BABAM2: variants seen among roughly 807,000 people sequenced by gnomAD.
BABAM2 encodes the protein BRISC and BRCA1 A complex member 2.
A neutral mutation model predicts 54.7 loss-of-function variants in BABAM2; 31 were observed. The observed-to-expected ratio is 0.57, with a 90% CI of 0.43 to 0.77. The LOEUF is 0.77. Ranked by LOEUF, BABAM2 falls within the 30% of genes least tolerant of loss-of-function variation. BABAM2 has a pLI of 0.00. For missense variants in BABAM2, 364 were observed against 455.8 expected, an observed-to-expected ratio of 0.80 and a Z score of 1.83; for synonymous variants, 167 against 162.9, an observed-to-expected ratio of 1.03 and a Z score of -0.19.
intron 2 of BABAM2, chr2:27,896,225 C>G (rs1215885645): frequency 3.3e-5 from 5 of 153,088 alleles, no homozygotes; most frequent in Non-Finnish European, 5.8e-5. Flanking sequence ...TCTCACTGAC[C>G]TGGTACAGGG....
chr2:28,132,194 A>G (rs1670142390), intron 7 of BABAM2, among the ~76,000 whole-genome samples: 1 of 144,810 alleles, frequency 6.9e-6, no homozygotes, highest in Admixed American at 7.1e-5. Flanking sequence ...GCTGGAGTGC[A>G]GTGGCACCAT....
At chr2:28,229,749 G>T (rs545466394) in intron 7 of BABAM2, among the ~76,000 whole-genome samples, 2 of 151,948 alleles carry the variant, frequency 1.3e-5, no homozygotes, top group East Asian at 3.9e-4. Context: ...CACACACCTG[G>T]CTAGTTTTTG....
chr2:28,157,096 T>C (rs901252694), intron 7 of BABAM2, among the ~76,000 whole-genome samples: 1 of 152,254 alleles, frequency 6.6e-6, no homozygotes, highest in Non-Finnish European at 1.5e-5. Context: ...TGAAAATAAT[T>C]TCCCAGTTAT....
chr2:28,118,473 A>G (rs1190848234), intron 6 of BABAM2, among the ~76,000 whole-genome samples: 1 of 152,176 alleles, frequency 6.6e-6, no homozygotes, highest in Non-Finnish European at 1.5e-5. Context: ...ATGACCAGTG[A>G]TGTTGAGCTC....
chr2:28,200,161 A>G (rs1166038852), intron 7 of BABAM2, among the ~76,000 whole-genome samples: 1 of 152,184 alleles, frequency 6.6e-6, no homozygotes, highest in Admixed American at 6.5e-5. Context: ...TTGACAGTGA[A>G]CAACACTAAA....
chr2:27,915,576 G>A (rs974708844), intron 2 of BABAM2, among the ~76,000 whole-genome samples: 3 of 152,184 alleles, frequency 2.0e-5, no homozygotes, highest in African/African-American at 7.2e-5. Context: ...TACGTGGATG[G>A]CACACTTATC....
At chr2:27,980,502 A>T (rs1487175191) in intron 3 of BABAM2, among the ~76,000 whole-genome samples, 1 of 152,204 alleles carries the variant, frequency 6.6e-6, no homozygotes, top group Admixed American at 6.5e-5. Context: ...ACTGTTCTGC[A>T]TAGCAAGAGA....
At chr2:28,248,959 G>C (rs1683166216) in intron 10 of BABAM2, among the ~76,000 whole-genome samples, 1 of 152,022 alleles carries the variant, frequency 6.6e-6, no homozygotes, top group Non-Finnish European at 1.5e-5. Context: ...ACTCAGAGTT[G>C]ACCTTAAGAT....
chr2:28,159,573 G>A (rs1011304686), intron 7 of BABAM2, among the ~76,000 whole-genome samples: 4 of 152,148 alleles, frequency 2.6e-5, no homozygotes, highest in African/African-American at 9.7e-5. Flanking sequence ...AGACCAATAT[G>A]GATGTTTCTA....
chr2:27,902,648 T>C (rs1394282283), intron 2 of BABAM2, among the ~76,000 whole-genome samples: 1 of 152,212 alleles, frequency 6.6e-6, no homozygotes, highest in African/African-American at 2.4e-5. Context: ...TTCAGATTTC[T>C]TCCTTTGGGA....
chr2:28,072,743 T>C (rs964205323), intron 6 of BABAM2, among the ~76,000 whole-genome samples: 16 of 152,230 alleles, frequency 1.1e-4, no homozygotes, highest in Non-Finnish European at 2.4e-4. Context: ...CTTGGTATGC[T>C]CATTGCTACC....
At chr2:27,927,346 C>T (rs1392255545) in intron 2 of BABAM2, among the ~76,000 whole-genome samples, 1 of 152,180 alleles carries the variant, frequency 6.6e-6, no homozygotes, top group African/African-American at 2.4e-5. Flanking sequence ...AGTCTTTAAG[C>T]TGCATAGTTA....
chr2:27,943,865 G>C (rs960442817), intron 3 of BABAM2, among the ~76,000 whole-genome samples: 1 of 152,126 alleles, frequency 6.6e-6, no homozygotes, highest in Non-Finnish European at 1.5e-5. Context: ...TCATTGAAAG[G>C]CAAGTAAAGA....
intron 4 of BABAM2, among the ~76,000 whole-genome samples, chr2:28,005,108 A>T (rs10199574): frequency 0.011 from 1,654 of 152,312 alleles, 34 homozygotes; most frequent in African/African-American, 0.037. Flanking sequence ...GGGAAAAGAG[A>T]TAACTATTTC....
chr2:28,094,942 A>G (rs10182585), intron 6 of BABAM2, among the ~76,000 whole-genome samples: 77,253 of 143,256 alleles, frequency 0.54, 21,703 homozygotes, highest in Middle Eastern at 0.7. Context: ...CTATTAGTCT[A>G]TTATGTGTTG....
intron 10 of BABAM2, among the ~76,000 whole-genome samples, chr2:28,254,728 A>ATTTTTT (rs759661036): frequency 2.5e-5 from 3 of 122,402 alleles, no homozygotes; most frequent in Non-Finnish European, 3.4e-5. Context: ...TTTTTTTTCA[A>ATTTTTT]TTTTTTTTTT....
intron 7 of BABAM2, among the ~76,000 whole-genome samples, chr2:28,140,716 G>A (rs1168310063): frequency 2.0e-5 from 3 of 151,906 alleles, no homozygotes; most frequent in South Asian, 2.1e-4. Flanking sequence ...TGCACATATT[G>A]TATATGTGCT....
chr2:28,005,660 C>T (rs1391854862), intron 4 of BABAM2, among the ~76,000 whole-genome samples: 1 of 151,944 alleles, frequency 6.6e-6, no homozygotes, highest in Non-Finnish European at 1.5e-5. Context: ...TTTAGAAATC[C>T]AATTATAATT....
intron 7 of BABAM2, among the ~76,000 whole-genome samples, chr2:28,186,786 C>T (rs556132120): frequency 6.6e-6 from 1 of 150,818 alleles, no homozygotes; most frequent in Admixed American, 6.7e-5. Context: ...ATTGTAACAT[C>T]ATGGATCACA....
Sources: allele counts gnomAD v4.1 joint callset (sites outside exome capture counted in the v4.1 genomes callset), GRCh38; gene constraint gnomAD v4.1.1; transcripts MANE v1.5; gene names NCBI Gene and HGNC (gene_info 2026-07-23, HGNC 2026-07-21).